ABHD3: variants seen among roughly 807,000 people sequenced by gnomAD.
The protein encoded by ABHD3 is abhydrolase domain containing 3, phospholipase.
In ABHD3, 46 loss-of-function variants were observed where a neutral mutation model predicts 48.8. The observed-to-expected ratio is 0.94, with a 90% CI of 0.74 to 1.20. The LOEUF (loss-of-function observed/expected upper bound fraction) is 1.20. ABHD3 is among the 50% of genes most tolerant of loss of function. ABHD3 has a pLI of 0.00. For missense variants in ABHD3, 490 were observed against 497.8 expected, an observed-to-expected ratio of 0.98 and a Z score of 0.15; for synonymous variants, 192 against 183.7, an observed-to-expected ratio of 1.04 and a Z score of -0.36.
chr18:21,654,103 C>T lies in ABHD3; in HGVS notation c.1058-2340G>A, dbSNP rs531838491. 5.3e-5 allele frequency among the ~76,000 whole-genome samples: 8 copies of T among 152,022 alleles called. No individual in the cohort carries two copies. The East Asian group carries it at 5.8e-4, about 11-fold the overall frequency. ...CTGACTTCAGGTGATCCACCCACCT[C>T]GGCCTCCCAAACTGCTGGGATTACA... On this transcript the variant is annotated intron_variant, in intron 8 of 8. Transcript: ENST00000289119.
intron 3 of ABHD3, chr18:21,701,164 AT>A (rs1164356089): frequency 6.6e-6 from 1 of 151,902 alleles, no homozygotes; most frequent in Non-Finnish European, 1.5e-5. Context: ...TAAGTTAGCT[AT>A]CATGGAATTT....
intron 5 of ABHD3, among the ~76,000 whole-genome samples, chr18:21,661,229 C>G (rs977583624): frequency 1.1e-4 from 17 of 151,632 alleles, no homozygotes; most frequent in African/African-American, 4.1e-4. Context: ...GCAAACAAGA[C>G]TATTTGGGAA....
intron 4 of ABHD3, chr18:21,683,391 G>A (rs771025656): frequency 2.0e-4 from 56 of 280,272 alleles, no homozygotes; most frequent in Non-Finnish European, 3.3e-4. Flanking sequence ...ACTTCAGCTG[G>A]CAAACAGGCA....
intron 3 of ABHD3, among the ~76,000 whole-genome samples, chr18:21,696,483 A>G (rs530700508): frequency 6.6e-6 from 1 of 152,248 alleles, no homozygotes; most frequent in South Asian, 2.1e-4. Context: ...CTGGAAATCA[A>G]TTCAGAAAAT....
intron 4 of ABHD3, among the ~76,000 whole-genome samples, chr18:21,678,799 G>A (rs1220509542): frequency 6.6e-6 from 1 of 152,116 alleles, no homozygotes; most frequent in African/African-American, 2.4e-5. Flanking sequence ...GACTAGGACT[G>A]TCTGTCTCCT....
chr18:21,693,125 G>A (rs1190383728), intron 3 of ABHD3, among the ~76,000 whole-genome samples: 1 of 152,180 alleles, frequency 6.6e-6, no homozygotes, highest in Non-Finnish European at 1.5e-5. Flanking sequence ...GGCGTAGGCA[G>A]TATCTCATTT....
chr18:21,696,963 T>G (rs1332172216), intron 3 of ABHD3, among the ~76,000 whole-genome samples: 1 of 152,072 alleles, frequency 6.6e-6, no homozygotes, highest in African/African-American at 2.4e-5. Context: ...AGCAACTTTC[T>G]CCTCTTGCGG....
At chr18:21,703,155 AG>A (rs2040549278) in intron 2 of ABHD3, among the ~76,000 whole-genome samples, 1 of 151,660 alleles carries the variant, frequency 6.6e-6, no homozygotes, top group African/African-American at 2.4e-5. Context: ...GCCTGTCAAT[AG>A]GAAGTCATTT....
chr18:21,697,926 A>G (rs1598563409), intron 3 of ABHD3, among the ~76,000 whole-genome samples: 2 of 152,260 alleles, frequency 1.3e-5, no homozygotes, highest in East Asian at 3.9e-4. Context: ...CATATCTCGT[A>G]TCTCACCAGT....
chr18:21,663,929 T>C, intron 5 of ABHD3, 189 bp downstream of exon 5: 1 of 1,429,214 alleles, frequency 7.0e-7, no homozygotes, highest in Non-Finnish European at 9.1e-7. Context: ...AAGAAAAATA[T>C]TAAAATTCAC....
In ABHD3 at chr18:21,683,942, CCT is replaced by C. The variant is rs747691121; in HGVS notation, c.531_532del (p.Gly178SerfsTer16). On this transcript the variant is annotated frameshift_variant, in exon 4 of 9. Transcript: ENST00000289119. LOFTEE classifies it high-confidence loss of function. ...TACCAAGAGATTCTCCCCCGCCACT[CCT>C]CTGTTGTTAAAAACCACACATCTAA... is the stretch of plus-strand genomic sequence containing the variant. The C allele has an allele frequency of 6.9e-6, 11 of 1,601,402 alleles. No individual in the cohort carries two copies. The highest frequency in any genetic ancestry group is 4.5e-5 in the East Asian group (2 of 44,446).
chr18:21,659,705 G>T (rs1010448579), intron 5 of ABHD3, among the ~76,000 whole-genome samples: 37 of 151,336 alleles, frequency 2.4e-4, no homozygotes, highest in African/African-American at 8.2e-4. Context: ...GTCTTGCTCT[G>T]TCACCCAGCC....
At chr18:21,700,021 A>G (rs1043638545) in intron 3 of ABHD3, among the ~76,000 whole-genome samples, 2 of 152,098 alleles carry the variant, frequency 1.3e-5, no homozygotes, top group African/African-American at 4.8e-5. Flanking sequence ...AGGTATGTGC[A>G]CTGGCAACTC....
chr18:21,653,795 C>A (rs992765277), intron 8 of ABHD3, among the ~76,000 whole-genome samples: 1 of 147,844 alleles, frequency 6.8e-6, no homozygotes, highest in African/African-American at 2.5e-5. Context: ...CTAGCTGAGG[C>A]TGAGGTGGGA....
chr18:21,661,102 T>TAAAAAAAAAAA (rs35710540), intron 5 of ABHD3, among the ~76,000 whole-genome samples: 1 of 57,220 alleles, frequency 1.7e-5, no homozygotes, highest in East Asian at 5.6e-4. Flanking sequence ...AACTACAAGC[T>TAAAAAAAAAAA]AAAAAAAAAA....
intron 4 of ABHD3, among the ~76,000 whole-genome samples, chr18:21,675,906 A>G (rs1341336619): frequency 6.6e-6 from 1 of 152,196 alleles, no homozygotes; most frequent in African/African-American, 2.4e-5. Context: ...CAGGAGGCAT[A>G]AGTTCAAGGG....
At chr18:21,686,484 T>G (rs1430825361) in intron 3 of ABHD3, among the ~76,000 whole-genome samples, 1 of 152,210 alleles carries the variant, frequency 6.6e-6, no homozygotes, top group Admixed American at 6.5e-5. Context: ...AAAGATGATC[T>G]GCAAACTCAT....
chr18:21,701,206 TCTTTC>T (rs2040505390), intron 3 of ABHD3: 1 of 150,466 alleles, frequency 6.6e-6, no homozygotes, highest in African/African-American at 2.5e-5. Flanking sequence ...AAAATGTTCT[TCTTTC>T]CTTTTTTTTT....
chr18:21,662,869 A>G (rs2039534287), intron 5 of ABHD3, among the ~76,000 whole-genome samples: 1 of 152,224 alleles, frequency 6.6e-6, no homozygotes, highest in Non-Finnish European at 1.5e-5. Flanking sequence ...GAACCTGTGT[A>G]TGTAAGCTCC....
Sources: allele counts gnomAD v4.1 joint callset (sites outside exome capture counted in the v4.1 genomes callset), GRCh38; gene constraint gnomAD v4.1.1; transcripts MANE v1.5; gene names NCBI Gene and HGNC (gene_info 2026-07-23, HGNC 2026-07-21).